Variants in STAC observed in about 807,000 individuals in gnomAD.
The protein encoded by STAC is SH3 and cysteine-rich domain-containing protein.
Under a neutral mutation model 48.8 loss-of-function variants are expected in STAC, and 43 were observed. The ratio of observed to expected loss-of-function variants is 0.88; its 90% CI spans 0.69 to 1.14. The LOEUF (loss-of-function observed/expected upper bound fraction) is 1.14. Among genes scored for constraint, STAC ranks in the 50% most tolerant of loss-of-function variants. The pLI is 0.00. For missense variants in STAC, 497 were observed against 504.0 expected (o/e 0.99, Z 0.13); for synonymous variants, 193 against 179.5 (o/e 1.07, Z -0.60).
intron 2 of STAC, among the ~76,000 whole-genome samples, chr3:36,480,875 A>C (rs186136787): frequency 7.2e-5 from 11 of 152,316 alleles, no homozygotes; most frequent in African/African-American, 2.6e-4. Context: ...TATCGAGGCA[A>C]ATTAACAGAC....
rs561468641 is a variant in STAC at position 36,443,180 on chromosome 3, G to A, written c.112-184G>A. 2.2e-4 allele frequency among the ~76,000 whole-genome samples: 33 copies of A among 152,084 alleles called. No homozygotes were observed. Among genetic ancestry groups the A allele is most frequent in the Admixed American group, 1.3e-3 (20 of 15,288 alleles). On this transcript the variant is annotated intron_variant, in intron 1 of 10. Coordinates refer to ENST00000273183, the MANE Select transcript of STAC (RefSeq NM_003149.3). The surrounding 1 kb of genome is among the most constrained non-coding windows in gnomAD (Gnocchi z 4.2). ...GCTCATCTGGCTTAGTGGCAGGGGC[G>A]GGGGAAATTCCCTCTTTACTAGGCA...
intron 10 of STAC, among the ~76,000 whole-genome samples, chr3:36,545,372 C>T (rs1288975820): frequency 6.6e-6 from 1 of 152,188 alleles, no homozygotes; most frequent in Admixed American, 6.5e-5. Flanking sequence ...CTGCCCCATC[C>T]TGCATCCCTC....
At chr3:36,473,201 G>A (rs1249090138) in intron 2 of STAC, among the ~76,000 whole-genome samples, 1 of 152,138 alleles carries the variant, frequency 6.6e-6, no homozygotes, top group Non-Finnish European at 1.5e-5. Context: ...GCACAGGAAA[G>A]ACCGGCTGCA....
intron 10 of STAC, among the ~76,000 whole-genome samples, chr3:36,545,136 C>A (rs919873058): frequency 1.3e-5 from 2 of 152,194 alleles, no homozygotes; most frequent in Non-Finnish European, 2.9e-5. Flanking sequence ...CTGCCCTTCT[C>A]AGGGAGGGCC....
chr3:36,394,419 A>G (rs1699815249), intron 1 of STAC, among the ~76,000 whole-genome samples: 1 of 152,172 alleles, frequency 6.6e-6, no homozygotes, highest in African/African-American at 2.4e-5. Flanking sequence ...TTGAAAGAAA[A>G]CCACTGGGGA....
chr3:36,406,825 G>A (rs1260259538), intron 1 of STAC, among the ~76,000 whole-genome samples: 4 of 152,192 alleles, frequency 2.6e-5, no homozygotes, highest in Non-Finnish European at 5.9e-5. Flanking sequence ...GCACTTTACA[G>A]AAAAAGTTTA....
intron 1 of STAC, among the ~76,000 whole-genome samples, chr3:36,392,733 T>C (rs773086360): frequency 2.0e-5 from 3 of 152,068 alleles, no homozygotes; most frequent in Non-Finnish European, 4.4e-5. Flanking sequence ...GAGGCAGCCT[T>C]ACTGCTGCCT....
intron 1 of STAC, among the ~76,000 whole-genome samples, chr3:36,395,630 C>A (rs1425827246): frequency 6.6e-6 from 1 of 152,020 alleles, no homozygotes; most frequent in Admixed American, 6.5e-5. Context: ...GGGGTGAGAA[C>A]CAACAGAGCA....
chr3:36,539,628 T>C (rs1027635079), intron 10 of STAC, among the ~76,000 whole-genome samples: 2 of 152,138 alleles, frequency 1.3e-5, no homozygotes, highest in East Asian at 1.9e-4. Context: ...CTACCATTGA[T>C]GGGCATTTAG....
chr3:36,510,652 T>C (rs2125716917), intron 8 of STAC, among the ~76,000 whole-genome samples: 1 of 152,290 alleles, frequency 6.6e-6, no homozygotes, highest in South Asian at 2.1e-4. Flanking sequence ...TTCATGCCCT[T>C]TGCAGGGACA....
At chr3:36,390,455 T>TTTTTTTA (rs1553630699) in intron 1 of STAC, among the ~76,000 whole-genome samples, 13 of 135,858 alleles carry the variant, frequency 9.6e-5, no homozygotes, top group Non-Finnish European at 1.8e-4. Flanking sequence ...TCTTTTCTTT[T>TTTTTTTA]TTTTTTTTTT....
intron 1 of STAC, among the ~76,000 whole-genome samples, chr3:36,389,943 C>T (rs1436408456): frequency 6.6e-6 from 1 of 150,552 alleles, no homozygotes; most frequent in African/African-American, 2.5e-5. Flanking sequence ...ATAATTTTGC[C>T]TCTGTAACTA....
intron 1 of STAC, among the ~76,000 whole-genome samples, chr3:36,435,541 G>C (rs1417508021): frequency 6.6e-6 from 1 of 151,974 alleles, no homozygotes; most frequent in Admixed American, 6.6e-5. Flanking sequence ...AAACTCCCTG[G>C]ATGCTACATT....
intron 10 of STAC, among the ~76,000 whole-genome samples, chr3:36,545,405 C>A (rs1217660409): frequency 1.3e-5 from 2 of 152,172 alleles, no homozygotes; most frequent in Non-Finnish European, 2.9e-5. Flanking sequence ...CTGAGAGCAC[C>A]CACTCAATAA....
chr3:36,466,793 T>C (rs796859768), intron 2 of STAC, among the ~76,000 whole-genome samples: 3 of 152,236 alleles, frequency 2.0e-5, no homozygotes, highest in African/African-American at 7.2e-5. Flanking sequence ...CATCAGCAAA[T>C]AGCGACAGTT....
At chr3:36,526,057 G>A (rs1167661546) in intron 8 of STAC, among the ~76,000 whole-genome samples, 1 of 152,112 alleles carries the variant, frequency 6.6e-6, no homozygotes, top group Non-Finnish European at 1.5e-5. Context: ...AGAAATCTTG[G>A]GAATTTCCTC....
chr3:36,388,012 T>C (rs1321192269), intron 1 of STAC, among the ~76,000 whole-genome samples: 1 of 152,132 alleles, frequency 6.6e-6, no homozygotes, highest in Non-Finnish European at 1.5e-5. Flanking sequence ...TTTCTGGGTT[T>C]TGTTGATCCT....
At chr3:36,437,869 T>C (rs1696192563) in intron 1 of STAC, among the ~76,000 whole-genome samples, 1 of 150,788 alleles carries the variant, frequency 6.6e-6, no homozygotes, top group African/African-American at 2.4e-5. Context: ...CTCTTTTTAC[T>C]GCCGTAGCCC....
intron 1 of STAC, among the ~76,000 whole-genome samples, chr3:36,413,807 T>A (rs1700252177): frequency 6.6e-6 from 1 of 152,230 alleles, no homozygotes; most frequent in African/African-American, 2.4e-5. Flanking sequence ...TTGCAGTGGC[T>A]GGTACCAGTT....
Sources: allele counts gnomAD v4.1 joint callset (sites outside exome capture counted in the v4.1 genomes callset), GRCh38; gene constraint gnomAD v4.1.1; non-coding constraint Gnocchi (gnomAD v3.1); transcripts MANE v1.5; gene names NCBI Gene and HGNC (gene_info 2026-07-23, HGNC 2026-07-21).